DOCK5: variants seen among roughly 807,000 people sequenced by gnomAD.
DOCK5 encodes the protein dedicator of cytokinesis 5.
Under a neutral mutation model 251.8 loss-of-function variants are expected in DOCK5, and 142 were observed. The observed-to-expected ratio is 0.56, with a 90% CI of 0.49 to 0.65. DOCK5 has a LOEUF of 0.65. Among genes scored for constraint, DOCK5 ranks in the 30% least tolerant of loss-of-function variants. DOCK5 has a pLI of 0.00. For synonymous variants in DOCK5, 842 were observed against 835.5 expected (o/e 1.01, Z -0.13); for missense variants, 2,111 against 2,312.3 (o/e 0.91, Z 1.79).
At chr8:25,333,409 G>A (rs1379272517) in intron 20 of DOCK5, among the ~76,000 whole-genome samples, 1 of 152,194 alleles carries the variant, frequency 6.6e-6, no homozygotes, top group Non-Finnish European at 1.5e-5. Context: ...TTAAGATAAA[G>A]AAAGAAAAGG....
Position 25,372,554 on chromosome 8 carries a change from T to C in DOCK5, c.3525-5T>C. 6.4e-7 allele frequency: 1 copy of C among 1,568,168 alleles called. No homozygotes were observed. The highest frequency in any genetic ancestry group is 8.6e-7 in the Non-Finnish European group (1 of 1,162,308). On this transcript the variant is annotated splice_polypyrimidine_tract_variant and splice_region_variant and intron_variant, in intron 34 of 51. Coordinates refer to ENST00000276440, the MANE Select transcript of DOCK5 (RefSeq NM_024940.8). ...GGGCTTTTGTCTCTCCCTCCGCCCC[T>C]CCAGGCTCCTAGAACATTGCCGGAA...
intron 1 of DOCK5, among the ~76,000 whole-genome samples, chr8:25,205,289 T>G (rs1586227052): frequency 1.3e-5 from 2 of 152,216 alleles, no homozygotes; most frequent in Non-Finnish European, 1.5e-5. Context: ...GTCTTTCTCT[T>G]TCTCTCTCTA....
At chr8:25,255,101 G>C (rs1264414142) in intron 2 of DOCK5, among the ~76,000 whole-genome samples, 1 of 152,164 alleles carries the variant, frequency 6.6e-6, no homozygotes, top group Non-Finnish European at 1.5e-5. Context: ...ATTCATTGCT[G>C]ATGGGAATGC....
At chr8:25,371,054 A>G (rs1800864453) in intron 34 of DOCK5, among the ~76,000 whole-genome samples, 3 of 152,120 alleles carry the variant, frequency 2.0e-5, no homozygotes, top group African/African-American at 7.2e-5. Flanking sequence ...GACCAACTGC[A>G]TCTCCAGCTG....
intron 22 of DOCK5, among the ~76,000 whole-genome samples, chr8:25,340,258 C>T (rs1238963936): frequency 1.3e-5 from 2 of 152,270 alleles, no homozygotes; most frequent in Admixed American, 6.5e-5. Flanking sequence ...CTCTGATTAA[C>T]GATCTCAGTG....
chr8:25,363,482 A>G (rs1306373161), intron 29 of DOCK5, among the ~76,000 whole-genome samples: 1 of 152,146 alleles, frequency 6.6e-6, no homozygotes, highest in Non-Finnish European at 1.5e-5. Context: ...CTGTTCTATG[A>G]CCGGTCCATG....
chr8:25,362,452 C>CT (rs1563216376), intron 28 of DOCK5, among the ~76,000 whole-genome samples: 1 of 107,082 alleles, frequency 9.3e-6, no homozygotes, highest in African/African-American at 3.4e-5. Flanking sequence ...CTTTTCTTTT[C>CT]TTTTCTTTTC....
At chr8:25,290,357 C>T (rs1040661911) in intron 5 of DOCK5, among the ~76,000 whole-genome samples, 7 of 152,168 alleles carry the variant, frequency 4.6e-5, no homozygotes, top group South Asian at 2.1e-4. Flanking sequence ...GTTTTAAGAA[C>T]GTTTATGAAG....
chr8:25,389,334 C>T, intron 41 of DOCK5, 102 bp downstream of exon 41: 2 of 1,411,186 alleles, frequency 1.4e-6, no homozygotes, highest in Non-Finnish European at 1.9e-6. Flanking sequence ...TCTGCAGACA[C>T]ACCATCTTCT....
chr8:25,389,582 T>C (rs1211736047), intron 41 of DOCK5, among the ~76,000 whole-genome samples: 1 of 152,202 alleles, frequency 6.6e-6, no homozygotes. Context: ...GCTAAGACTT[T>C]CTAAGACTTG....
rs545837294 is a variant in DOCK5, at chr8:25,368,594, C to T, written c.3307C>T (p.Pro1103Ser). The change falls in exon 33 of 52, where the codon CCA (proline) becomes TCA (serine). Residue 1103 changes from proline (P) to serine (S), a missense_variant. Pro to Ser is a moderately conservative substitution (Grantham distance 74). Transcript: ENST00000276440. ...AGGTCCCCACAAAATCAAATTCATC[C>T]CATCCATGGTGGGTCCCATTCTGGA... ...NLGPHKIKFI[P>S]SMVGPILEVT... is the part of the protein sequence containing the mutation. 4 of 1,604,728 alleles carry T rather than the reference C, an allele frequency of 2.5e-6. No homozygotes were observed. Among genetic ancestry groups the T allele is most frequent in the East Asian group, 2.2e-5 (1 of 44,758 alleles).
intron 31 of DOCK5, among the ~76,000 whole-genome samples, chr8:25,367,834 A>T (rs1045233267): frequency 1.3e-5 from 2 of 152,202 alleles, no homozygotes; most frequent in African/African-American, 4.8e-5. Context: ...GTCACCTGTT[A>T]GGCATTAGTC....
At chr8:25,359,977 A>G (rs17053450) in intron 28 of DOCK5, among the ~76,000 whole-genome samples, 19 of 152,114 alleles carry the variant, frequency 1.2e-4, no homozygotes, top group Non-Finnish European at 2.5e-4. Flanking sequence ...TCAGACGTCC[A>G]TGAAGGTGTT....
At chr8:25,219,235 C>A (rs551763667) in intron 1 of DOCK5, among the ~76,000 whole-genome samples, 2 of 152,146 alleles carry the variant, frequency 1.3e-5, no homozygotes, top group Non-Finnish European at 2.9e-5. Context: ...TGTATTATGA[C>A]CCTGAGCCCT....
intron 38 of DOCK5, among the ~76,000 whole-genome samples, 177 bp from the exon 39 acceptor site, chr8:25,380,128 A>G (rs758119811): frequency 6.6e-6 from 1 of 152,222 alleles, no homozygotes; most frequent in Non-Finnish European, 1.5e-5. Context: ...CACTGTCTTT[A>G]TGATGTCAGG....
chr8:25,389,207 A>G lies in DOCK5; in HGVS notation c.4248A>G (p.Glu1416=), dbSNP rs777723628. Reference sequence around the variant, plus strand: ...TGACCAGTACCACGCCTCCTGGGGAAGACATCAAGTCGTCCCCCAAGCAGT... The same window carrying G: ...TGACCAGTACCACGCCTCCTGGGGAGGACATCAAGTCGTCCCCCAAGCAGT... ...EKMTSTTPPG[E]DIKSSPKQYM... The change falls in exon 41 of 52, where the codon GAA becomes GAG. Residue 1416 remains glutamate (E), a synonymous_variant. Transcript: ENST00000276440. The G allele has an allele frequency of 8.1e-6, 13 of 1,613,862 alleles. No individual in the cohort carries two copies. In the East Asian group the frequency reaches 2.9e-4, roughly 36 times the overall value.
intron 20 of DOCK5, among the ~76,000 whole-genome samples, chr8:25,332,895 G>T (rs988424395): frequency 6.6e-6 from 1 of 152,106 alleles, no homozygotes; most frequent in Non-Finnish European, 1.5e-5. Flanking sequence ...TTCCTGTTAG[G>T]TCTCATTTTT....
Position 25,369,619 on chromosome 8 carries a change from T to C in DOCK5, c.3502T>C (p.Tyr1168His). The change falls in exon 34 of 52, where the codon TAC (tyrosine) becomes CAC (histidine). Residue 1168 changes from tyrosine to histidine, a missense_variant. Physicochemically the swap from Tyr to His is moderately conservative, Grantham distance 83 (BLOSUM62 2). Around this residue, in one of 3 missense-constraint regions of DOCK5, gnomAD observed 1,717 missense variants for 1,892.4 expected, o/e 0.91. Coordinates refer to ENST00000276440, the MANE Select transcript of DOCK5 (RefSeq NM_024940.8). ...AGAAGGGGGCAGAGGAGACGAACAA[T>C]ACAAGGTTCTTCTGGAAAAACTGTG... ...EVEGGRGDEQ[Y>H]KVLLEKLLLE... 6.2e-7 allele frequency: 1 copy of C among 1,610,526 alleles called. No homozygotes were observed. The highest frequency in any genetic ancestry group is 8.5e-7 in the Non-Finnish European group (1 of 1,178,386).
At chr8:25,287,035 C>T (rs994449482) in intron 5 of DOCK5, among the ~76,000 whole-genome samples, 2 of 152,138 alleles carry the variant, frequency 1.3e-5, no homozygotes, top group Non-Finnish European at 2.9e-5. Context: ...TTTCTAATAC[C>T]CATTGCAGCT....
Sources: allele counts gnomAD v4.1 joint callset (sites outside exome capture counted in the v4.1 genomes callset), GRCh38; gene constraint gnomAD v4.1.1; regional missense constraint gnomAD v4.1.1; transcripts MANE v1.5; gene names NCBI Gene and HGNC (gene_info 2026-07-23, HGNC 2026-07-21).